Variants in MLXIP observed in about 807,000 individuals in gnomAD.
MLXIP encodes MLX-interacting protein.
A neutral mutation model predicts 87.2 loss-of-function variants in MLXIP; 30 were observed. That is an observed-to-expected ratio of 0.34 (90% CI 0.26 to 0.47). The LOEUF (loss-of-function observed/expected upper bound fraction) is 0.47, where lower values mean the gene tolerates loss of function less well. Ranked by LOEUF, MLXIP falls within the 20% of genes least tolerant of loss-of-function variation. MLXIP has a pLI of 1.00. For missense variants in MLXIP, 1,002 were observed against 1,240.1 expected, an observed-to-expected ratio of 0.81 and a Z score of 2.88; for synonymous variants, 530 against 514.0, an observed-to-expected ratio of 1.03 and a Z score of -0.42.
rs1454789548 is a variant in MLXIP at position 122,079,277 on chromosome 12, C to T, written c.413+11C>T. ...GACTTTGGCCTACAGGTAGGGACCC[C>T]CGCGACCCCCTGAGGCCCCGGCCGG... On this transcript the variant is annotated intron_variant, in intron 1 of 16. Transcript: ENST00000319080. The T allele has an allele frequency of 1.3e-6, 2 of 1,547,646 alleles. No individual in the cohort carries two copies. The highest frequency in any genetic ancestry group is 1.7e-6 in the Non-Finnish European group (2 of 1,145,144).
At position 122,103,213 on chromosome 12, in the gene MLXIP, ATT is replaced by A. The variant is rs1565965572; in HGVS notation, c.413+23949_413+23950del. Among the ~76,000 whole-genome samples, 727 of 144,092 alleles carry A rather than the reference ATT, an allele frequency of 5.0e-3. 7 individuals carry two copies. The highest frequency in any genetic ancestry group is 0.021 in the Middle Eastern group (6 of 292). The allele number at this position is 144,092 out of a possible 152,430, so 94.5% of individuals were successfully genotyped here. ...TATGTATGTATGTATTTATTTATTT[ATT>A]TATTTATTTATTTATTTATTTATTT... On this transcript the variant is annotated intron_variant, in intron 1 of 16. Transcript: ENST00000319080.
chr12:122,137,669 A>T lies in MLXIP; in HGVS notation c.2154+79A>T. 1.9e-6 allele frequency: 3 copies of T among 1,574,696 alleles called. No homozygotes were observed. Among genetic ancestry groups the T allele is most frequent in the Non-Finnish European group, 2.6e-6 (3 of 1,159,296 alleles). On this transcript the variant is annotated intron_variant, in intron 12 of 16. Coordinates refer to ENST00000319080, the MANE Select transcript of MLXIP (RefSeq NM_014938.6). This position sits in a 1 kb window ranked among gnomAD's most constrained non-coding sequence, Gnocchi z 4.1. ...CATCAAGGATCTGTGTCTTGTCTGGAACGGAGACCTCAGACCCAGCCAGAG... is the reference window on the plus strand; with the variant it reads ...CATCAAGGATCTGTGTCTTGTCTGGTACGGAGACCTCAGACCCAGCCAGAG...
chr12:122,105,207 A>G (rs1952501220), intron 1 of MLXIP, among the ~76,000 whole-genome samples: 1 of 152,204 alleles, frequency 6.6e-6, no homozygotes, highest in African/African-American at 2.4e-5. Flanking sequence ...TTATCTCTGC[A>G]GTTAGTCACT....
rs1043307601 is a variant in MLXIP, at chr12:122,146,760, T to C, written c.*4948T>C. ...GTTGGTTCTGCGCTCTGAACCTGGG[T>C]GTAGCTCATTTGAAGGACTCTCTTC... On this transcript the variant is annotated 3_prime_UTR_variant, in exon 17 of 17. Coordinates refer to ENST00000319080, the MANE Select transcript of MLXIP (RefSeq NM_014938.6). The C allele has an allele frequency of 7.0e-6, 1 of 142,774 alleles. No homozygotes were observed. Among genetic ancestry groups the C allele is most frequent in the Non-Finnish European group, 1.5e-5 (1 of 67,954 alleles). 8.8% of individuals were successfully genotyped at this position (142,774 alleles called of 1,614,324 possible). A position where few individuals can be genotyped will look rare whatever the true frequency, so the allele number is the denominator to read the frequency against.
chr12:122,095,123 G>T (rs1952331065), intron 1 of MLXIP, among the ~76,000 whole-genome samples: 2 of 147,970 alleles, frequency 1.4e-5, no homozygotes. Context: ...TGTGTGGGGT[G>T]TGGGTATGTG....
At chr12:122,140,334 T>A (rs1244724833) in intron 15 of MLXIP, among the ~76,000 whole-genome samples, 1 of 152,144 alleles carries the variant, frequency 6.6e-6, no homozygotes, top group Admixed American at 6.5e-5. Flanking sequence ...TCTTGCTCTG[T>A]CACCCAGGCT....
chr12:122,129,840 T>G (rs7487292), intron 5 of MLXIP, 101 bp from the exon 6 acceptor site: 666,752 of 1,456,276 alleles, frequency 0.46, 154,760 homozygotes, highest in African/African-American at 0.63. Context: ...TCACTTCCAC[T>G]GAGCACCCCT....
At chr12:122,130,153 C>T in intron 6 of MLXIP, 41 bp downstream of exon 6, 1 of 1,575,116 alleles carries the variant, frequency 6.3e-7, no homozygotes, top group Non-Finnish European at 8.6e-7. Flanking sequence ...CAGCCAGCCG[C>T]TTCCTTCTCT....
In MLXIP at chr12:122,137,711, G is replaced by A; in HGVS notation, c.2154+121G>A. 1.4e-6 allele frequency: 2 copies of A among 1,473,972 alleles called. No homozygotes were observed. Among genetic ancestry groups the A allele is most frequent in the Non-Finnish European group, 1.8e-6 (2 of 1,088,120 alleles). 91.3% of individuals were successfully genotyped at this position (1,473,972 alleles called of 1,614,324 possible). On this transcript the variant is annotated intron_variant, in intron 12 of 16. Coordinates refer to ENST00000319080, the MANE Select transcript of MLXIP (RefSeq NM_014938.6). This position sits in a 1 kb window ranked among gnomAD's most constrained non-coding sequence, Gnocchi z 4.1. ...CAGCCAGAGCTGCCCAGGCAGGGGT[G>A]GATCAGAAATGGGCTTCTCCTTGCC...
At chr12:122,083,335 A>AT (rs1308557273) in intron 1 of MLXIP, among the ~76,000 whole-genome samples, 2 of 152,080 alleles carry the variant, frequency 1.3e-5, no homozygotes, top group African/African-American at 4.8e-5. Context: ...AGAGACTTAA[A>AT]TTAGGGCTTG....
At chr12:122,111,095 G>T (rs935909821) in intron 1 of MLXIP, among the ~76,000 whole-genome samples, 2 of 123,118 alleles carry the variant, frequency 1.6e-5, no homozygotes, top group Non-Finnish European at 3.5e-5. Flanking sequence ...AAAAAAAAAA[G>T]TCTATTTATA....
chr12:122,123,681 TC>T (rs1343593278), intron 1 of MLXIP, among the ~76,000 whole-genome samples: 1 of 152,162 alleles, frequency 6.6e-6, no homozygotes, highest in Non-Finnish European at 1.5e-5. Context: ...GCCTTCAGAC[TC>T]CCTTTTTTGG....
chr12:122,141,000 T>C lies in MLXIP; in HGVS notation c.2555T>C (p.Val852Ala). The change falls in exon 16 of 17, where the codon GTG becomes GCG. Residue 852 changes from valine to alanine, a missense_variant. Val to Ala is a moderately conservative substitution (Grantham distance 64). Transcript: ENST00000319080. ...CTGTTTGAGTCGTTCAAGGGCATGG[T>C]GTCCACCAGCAGCCTGGAGGAGCTG... ...KPLFESFKGM[V>A]STSSLEELHR... 6 of 1,614,028 alleles carry C rather than the reference T, an allele frequency of 3.7e-6. No homozygotes were observed. The highest frequency in any genetic ancestry group is 1.1e-5 in the South Asian group (1 of 91,090).
At chr12:122,104,737 G>A (rs935815825) in intron 1 of MLXIP, among the ~76,000 whole-genome samples, 1 of 151,772 alleles carries the variant, frequency 6.6e-6, no homozygotes, top group African/African-American at 2.4e-5. Flanking sequence ...CCGCCACCAC[G>A]CCCAGCTAAT....
Position 122,145,769 on chromosome 12 carries a change from G to C in MLXIP, c.*3957G>C, listed in dbSNP as rs573490905. ...CCCGGGCCAGTGGACCCCTGTGTGT[G>C]GGGGATTTGGGGTGCTGTGGGCCTG... On this transcript the variant is annotated 3_prime_UTR_variant, in exon 17 of 17. Coordinates refer to ENST00000319080, the MANE Select transcript of MLXIP (RefSeq NM_014938.6). The C allele has an allele frequency of 6.5e-6, 1 of 152,676 alleles. No homozygotes were observed. The highest frequency in any genetic ancestry group is 2.4e-5 in the African/African-American group (1 of 41,582). 9.5% of individuals were successfully genotyped at this position (152,676 alleles called of 1,614,324 possible).
chr12:122,140,262 C>T (rs1039231711), intron 15 of MLXIP, among the ~76,000 whole-genome samples: 12 of 152,158 alleles, frequency 7.9e-5, no homozygotes, highest in South Asian at 2.1e-4. Context: ...AGAAGGCAAA[C>T]GCCACTTTCA....
rs775002039 is a variant in MLXIP, at chr12:122,133,383, G to C, written c.1128G>C (p.Val376=). The change falls in exon 9 of 17, where the codon GTG becomes GTC. Residue 376 remains valine, a synonymous_variant. Coordinates refer to ENST00000319080, the MANE Select transcript of MLXIP (RefSeq NM_014938.6). This position sits in a 1 kb window ranked among gnomAD's most constrained non-coding sequence, Gnocchi z 4.9. ...TGCCGACCACAGCCCTCCCCACTGT[G>C]AGCCTTCCTGACAGCCTCATCGCGC... is the stretch of plus-strand genomic sequence containing the variant. The part of the protein sequence containing the change: ...SILPTTALPT[V]SLPDSLIAPP... 8.2e-6 allele frequency: 13 copies of C among 1,590,672 alleles called. No homozygotes were observed. The East Asian group carries it at 2.9e-4, about 36-fold the overall frequency.
At chr12:122,084,142 G>GAT (rs1300960209) in intron 1 of MLXIP, among the ~76,000 whole-genome samples, 31 of 133,628 alleles carry the variant, frequency 2.3e-4, no homozygotes, top group African/African-American at 7.3e-4. Flanking sequence ...ATCTCAGCCA[G>GAT]ATTGTGTGTG....
intron 1 of MLXIP, among the ~76,000 whole-genome samples, chr12:122,125,331 C>CAAA (rs142596040): frequency 1.4e-5 from 2 of 147,220 alleles, no homozygotes; most frequent in African/African-American, 2.5e-5. Flanking sequence ...GACTCCATCT[C>CAAA]AAAAAAAAAA....
Sources: allele counts gnomAD v4.1 joint callset (sites outside exome capture counted in the v4.1 genomes callset), GRCh38; gene constraint gnomAD v4.1.1; non-coding constraint Gnocchi (gnomAD v3.1); transcripts MANE v1.5; gene names NCBI Gene and HGNC (gene_info 2026-07-23, HGNC 2026-07-21).